The following DUXA variants were observed in gnomAD, a reference collection of about 807,000 sequenced individuals.
DUXA encodes the protein double homeobox A.
DUXA carries 25 observed loss-of-function variants against 27.5 expected under a neutral mutation model. That is an observed-to-expected ratio of 0.91 (90% CI 0.66 to 1.27). The LOEUF (loss-of-function observed/expected upper bound fraction) is 1.27. DUXA is among the 50% of genes most tolerant of loss of function. The probability of loss-of-function intolerance (pLI) is 0.00; values close to 1 mark genes in which losing one functional copy is unlikely to be tolerated. For synonymous variants in DUXA, 90 were observed against 80.5 expected, an observed-to-expected ratio of 1.12 and a Z score of -0.63; for missense variants, 247 against 242.9, an observed-to-expected ratio of 1.02 and a Z score of -0.11.
chr19:57,154,569 T>TC, intron 5 of DUXA, 87 bp from the exon 6 acceptor site: 1 of 607,678 alleles, frequency 1.6e-6, no homozygotes, highest in Non-Finnish European at 2.4e-6. Flanking sequence ...CACCTTTTCT[T>TC]TTTTTTTTTT....
chr19:57,154,513 G>A (rs1055678460), intron 5 of DUXA, 31 bp from the exon 6 acceptor site: 2 of 1,535,736 alleles, frequency 1.3e-6, no homozygotes. Flanking sequence ...AGGAAAGAAT[G>A]TAAGAGATCA....
chr19:57,167,351 C>T, intron 1 of DUXA, 68 bp downstream of exon 1: 1 of 1,594,388 alleles, frequency 6.3e-7, no homozygotes. Context: ...TCTGACAAGA[C>T]CACTGGGTTT....
intron 1 of DUXA, among the ~76,000 whole-genome samples, chr19:57,162,581 T>G (rs992656172): frequency 2.7e-4 from 41 of 152,148 alleles, no homozygotes; most frequent in Admixed American, 6.6e-4. Flanking sequence ...GTTTTTTGTT[T>G]TTTGTTTTTT....
chr19:57,164,249 T>C (rs984434429), intron 1 of DUXA, among the ~76,000 whole-genome samples: 1 of 152,170 alleles, frequency 6.6e-6, no homozygotes, highest in African/African-American at 2.4e-5. Flanking sequence ...CTGTACCCCA[T>C]ACATATATAC....
intron 3 of DUXA, among the ~76,000 whole-genome samples, 180 bp from the exon 4 acceptor site, chr19:57,158,653 G>A (rs1024523184): frequency 6.6e-6 from 1 of 152,122 alleles, no homozygotes; most frequent in African/African-American, 2.4e-5. Context: ...GGAGACCCAG[G>A]ATGATATGTC....
intron 1 of DUXA, among the ~76,000 whole-genome samples, chr19:57,166,368 G>GAC (rs1426572794): frequency 6.6e-6 from 1 of 152,174 alleles, no homozygotes; most frequent in African/African-American, 2.4e-5. Flanking sequence ...TGAGGTACAT[G>GAC]GCATGATCAC....
At position 57,160,684 on chromosome 19, in the gene DUXA, T is replaced by G; in HGVS notation, c.139A>C (p.Lys47Gln). 6.2e-7 allele frequency: 1 copy of G among 1,613,808 alleles called. No homozygotes were observed. The highest frequency in any genetic ancestry group is 8.5e-7 in the Non-Finnish European group (1 of 1,180,036). ...TCTGTATTGATTTCTAAAGCAAGTT[T>G]TTGTTTGGTAGCATAACCTGGGTAA... ...KPYPGYATKQ[K>Q]LALEINTEES... Residue 47 changes from lysine (K) to glutamine (Q), a missense_variant, in exon 2 of 6, where the codon AAA (lysine) becomes CAA (glutamine). Coordinates refer to ENST00000554048, the MANE Select transcript of DUXA (RefSeq NM_001012729.2).
chr19:57,160,806 A>G lies in DUXA; in HGVS notation c.26-9T>C, dbSNP rs112701889. 1.2e-6 allele frequency: 2 copies of G among 1,613,184 alleles called. No individual in the cohort carries two copies. The highest frequency in any genetic ancestry group is 1.7e-6 in the Non-Finnish European group (2 of 1,179,834). On this transcript the variant is annotated splice_polypyrimidine_tract_variant and intron_variant, in intron 1 of 5. Coordinates refer to ENST00000554048, the MANE Select transcript of DUXA (RefSeq NM_001012729.2). ...ATTTGTTTTTACCATCTCTGTAGGA[A>G]GATTACAAAAGAAGAAGCATGTAAT...
In DUXA at chr19:57,154,248, A is replaced by G. The variant is rs1191708938; in HGVS notation, c.*164T>C. 1.6e-6 allele frequency: 1 copy of G among 606,148 alleles called. No homozygotes were observed. Among genetic ancestry groups the G allele is most frequent in the African/African-American group, 1.9e-5 (1 of 53,340 alleles). The allele number at this position is 606,148 out of a possible 1,614,324, so 37.5% of individuals were successfully genotyped here. ...AGCAATCTTCCTGCCTTGGCCTCCC[A>G]AAGTAGTGGGATTACAAGTGTGACC... On this transcript the variant is annotated 3_prime_UTR_variant, in exon 6 of 6. Transcript: ENST00000554048.
At chr19:57,166,004 C>T (rs2087052662) in intron 1 of DUXA, among the ~76,000 whole-genome samples, 3 of 151,836 alleles carry the variant, frequency 2.0e-5, no homozygotes, top group East Asian at 1.9e-4. Context: ...GTTCTAAGTG[C>T]AATAGTTAGG....
At position 57,161,559 on chromosome 19, in the gene DUXA, C is replaced by G. The variant is rs1365722106; in HGVS notation, c.26-762G>C. On this transcript the variant is annotated intron_variant, in intron 1 of 5. Transcript: ENST00000554048. ...AATGGCGTGAACCCGGGAGGCGGAG[C>G]TTGCAGTGAGCCGAGATTGCGCCAC... Among the ~76,000 whole-genome samples the G allele has an allele frequency of 2.8e-3, 394 of 142,586 alleles. 4 individuals carry two copies. Among genetic ancestry groups the G allele is most frequent in the Admixed American group, 0.023 (333 of 14,238 alleles). 93.5% of individuals were successfully genotyped at this position (142,586 alleles called of 152,430 possible). A position where few individuals can be genotyped will look rare whatever the true frequency, so the allele number is the denominator to read the frequency against.
chr19:57,161,432 G>T (rs558445439), intron 1 of DUXA, among the ~76,000 whole-genome samples: 1 of 149,332 alleles, frequency 6.7e-6, no homozygotes, highest in South Asian at 2.1e-4. Flanking sequence ...GACCATCCTG[G>T]CTAACATGAT....
intron 1 of DUXA, among the ~76,000 whole-genome samples, chr19:57,163,335 T>C (rs1448988718): frequency 6.6e-6 from 1 of 152,036 alleles, no homozygotes; most frequent in East Asian, 1.9e-4. Flanking sequence ...TTTGTAGAGA[T>C]GGCCTTTCCC....
intron 1 of DUXA, among the ~76,000 whole-genome samples, chr19:57,166,193 G>A (rs1375295997): frequency 2.0e-5 from 3 of 152,170 alleles, no homozygotes; most frequent in Non-Finnish European, 2.9e-5. Context: ...GAATAAAAGG[G>A]AAGCAGACGA....
rs113465236 is a variant in DUXA, at chr19:57,162,566, G to GTTTTGTT, written c.26-1776_26-1770dup. Among the ~76,000 whole-genome samples the GTTTTGTT allele has an allele frequency of 1.3e-3, 203 of 151,862 alleles. 1 individual carries two copies. The highest frequency in any genetic ancestry group is 2.1e-3 in the African/African-American group (87 of 41,448). ...TTCAGTTTCACACACCTGGTCCATT[G>GTTTTGTT]TTTTGTTTTTTGTTTTTTGTTTTTT... is the stretch of plus-strand genomic sequence containing the variant. On this transcript the variant is annotated intron_variant, in intron 1 of 5. Transcript: ENST00000554048.
intron 4 of DUXA, among the ~76,000 whole-genome samples, chr19:57,157,852 G>C (rs2086999895): frequency 6.6e-6 from 1 of 151,940 alleles, no homozygotes; most frequent in South Asian, 2.1e-4. Flanking sequence ...ATATTAGCCA[G>C]GCGTGGTGGC....
chr19:57,162,196 T>C (rs2087027727), intron 1 of DUXA, among the ~76,000 whole-genome samples: 1 of 152,014 alleles, frequency 6.6e-6, no homozygotes, highest in Non-Finnish European at 1.5e-5. Flanking sequence ...CCGGAGCATA[T>C]TTTTTTTACT....
At chr19:57,166,039 C>G (rs1387814914) in intron 1 of DUXA, among the ~76,000 whole-genome samples, 4 of 151,948 alleles carry the variant, frequency 2.6e-5, no homozygotes, top group African/African-American at 9.7e-5. Flanking sequence ...GAAAGTATAA[C>G]ATGAACAAAG....
intron 1 of DUXA, among the ~76,000 whole-genome samples, chr19:57,165,050 T>C (rs1446388907): frequency 6.6e-6 from 1 of 152,042 alleles, no homozygotes; most frequent in Admixed American, 6.6e-5. Flanking sequence ...TTAGGAAAAT[T>C]GTGTCAACCT....
Sources: allele counts gnomAD v4.1 joint callset (sites outside exome capture counted in the v4.1 genomes callset), GRCh38; gene constraint gnomAD v4.1.1; transcripts MANE v1.5; gene names NCBI Gene and HGNC (gene_info 2026-07-23, HGNC 2026-07-21).